The following SGCD variants were observed in gnomAD, a reference collection of about 807,000 sequenced individuals.
SGCD encodes sarcoglycan delta.
In SGCD, 18 loss-of-function variants were observed where a neutral mutation model predicts 36.6. The observed-to-expected ratio is 0.49, with a 90% CI of 0.34 to 0.73. The LOEUF is 0.73. SGCD is among the 30% of genes least tolerant of loss of function. SGCD has a pLI of 0.01. For missense variants in SGCD, 387 were observed against 346.7 expected (o/e 1.12, Z -0.92); for synonymous variants, 133 against 130.6 (o/e 1.02, Z -0.12).
intron 1 of SGCD, among the ~76,000 whole-genome samples, chr5:156,009,064 G>C (rs932694424): frequency 6.6e-6 from 1 of 152,170 alleles, no homozygotes; most frequent in Non-Finnish European, 1.5e-5. Flanking sequence ...TTTGGCCAGA[G>C]TGACTGGAGC....
chr5:156,296,390 A>C (rs577300136), intron 3 of SGCD, among the ~76,000 whole-genome samples: 1 of 152,352 alleles, frequency 6.6e-6, no homozygotes, highest in South Asian at 2.1e-4. Context: ...GAGGCACCAT[A>C]AATTGTAGGA....
intron 1 of SGCD, among the ~76,000 whole-genome samples, chr5:155,928,837 A>C (rs913653116): frequency 6.6e-6 from 1 of 152,174 alleles, no homozygotes; most frequent in Non-Finnish European, 1.5e-5. Context: ...AGCATATTTT[A>C]TGCAACAACC....
At chr5:156,480,035 C>G (rs542926470) in intron 3 of SGCD, among the ~76,000 whole-genome samples, 83 of 152,228 alleles carry the variant, frequency 5.5e-4, no homozygotes, top group African/African-American at 1.9e-3. Context: ...TCTTCACCAT[C>G]TGACTGGGAT....
In SGCD at chr5:156,767,770, A is replaced by G. The variant is rs556296196; in HGVS notation, c.*8380A>G. The G allele has an allele frequency of 1.1e-4, 17 of 152,234 alleles. No homozygotes were observed. Among genetic ancestry groups the G allele is most frequent in the Non-Finnish European group, 8.8e-5 (6 of 68,044 alleles). 9.4% of individuals were successfully genotyped at this position (152,234 alleles called of 1,614,324 possible). A position where few individuals can be genotyped will look rare whatever the true frequency, so the allele number is the denominator to read the frequency against. On this transcript the variant is annotated 3_prime_UTR_variant, in exon 9 of 9. Coordinates refer to ENST00000337851, the MANE Select transcript of SGCD (RefSeq NM_000337.6). The stretch of plus-strand genomic sequence containing the variant: ...CTTGTAAAATATATTAATAAAAATA[A>G]TGATTGGTAAGAAGGAAAGCACCCT...
chr5:156,594,899 C>T (rs1344797664), intron 5 of SGCD, 33 bp from the exon 6 acceptor site: 3 of 1,395,950 alleles, frequency 2.1e-6, no homozygotes, highest in East Asian at 2.3e-5. Context: ...CTCCTCTCTC[C>T]TCTCTATCTC....
At chr5:155,812,090 C>T in the SGCD span, among the ~76,000 whole-genome samples, 3 of 152,140 alleles carry the variant, frequency 2.0e-5, no homozygotes, top group African/African-American at 7.2e-5. Context: ...TCCATGGAAA[C>T]AGGACGTGAA....
rs1203352894 is a variant in SGCD, at chr5:156,589,271, T to C, written c.335T>C (p.Val112Ala). The change falls in exon 5 of 9, where the codon GTG becomes GCG. Residue 112 changes from valine to alanine, a missense_variant. By Grantham distance (64) the Val-to-Ala change is moderately conservative. Coordinates refer to ENST00000337851, the MANE Select transcript of SGCD (RefSeq NM_000337.6). ...LYFKSARNVT[V>A]NILNDQTKVL... ...TTCAAGTCTGCCAGAAATGTTACAGTGAACATTCTCAATGACCAGACTAAA... is the reference window on the plus strand; with the variant it reads ...TTCAAGTCTGCCAGAAATGTTACAGCGAACATTCTCAATGACCAGACTAAA... 3 of 1,575,468 alleles carry C rather than the reference T, an allele frequency of 1.9e-6. No individual in the cohort carries two copies. The highest frequency in any genetic ancestry group is 2.6e-6 in the Non-Finnish European group (3 of 1,158,842).
intron 4 of SGCD, among the ~76,000 whole-genome samples, chr5:156,539,766 G>A (rs999856889): frequency 2.0e-5 from 3 of 152,028 alleles, no homozygotes; most frequent in African/African-American, 7.2e-5. Flanking sequence ...TTTCCTTTGA[G>A]AGGATACCCA....
At chr5:156,494,440 A>G (rs985300777) in intron 3 of SGCD, among the ~76,000 whole-genome samples, 119 of 151,726 alleles carry the variant, frequency 7.8e-4, no homozygotes, top group African/African-American at 2.5e-3. Context: ...TTTGCTAGGC[A>G]AAGGAAGGAG....
chr5:156,104,040 C>A (rs1241087306), intron 1 of SGCD, among the ~76,000 whole-genome samples: 1 of 151,772 alleles, frequency 6.6e-6, no homozygotes, highest in Non-Finnish European at 1.5e-5. Context: ...TGACCCAAGC[C>A]CTTTTGGAAA....
At chr5:156,722,170 G>C (rs771162270) in intron 7 of SGCD, among the ~76,000 whole-genome samples, 1 of 152,124 alleles carries the variant, frequency 6.6e-6, no homozygotes, top group African/African-American at 2.4e-5. Flanking sequence ...CAGTGTAGTC[G>C]ATTCTCCTTT....
intron 3 of SGCD, among the ~76,000 whole-genome samples, chr5:156,295,119 C>T (rs897246669): frequency 6.6e-6 from 1 of 152,102 alleles, no homozygotes; most frequent in Non-Finnish European, 1.5e-5. Flanking sequence ...TTTTCTTTGT[C>T]TGGAGATTTT....
At chr5:155,932,309 G>A (rs993401597) in intron 1 of SGCD, among the ~76,000 whole-genome samples, 2 of 152,070 alleles carry the variant, frequency 1.3e-5, no homozygotes, top group African/African-American at 2.4e-5. Flanking sequence ...TTCCTGAATT[G>A]TTTCTTGAGG....
chr5:155,804,836 A>T, the SGCD span, among the ~76,000 whole-genome samples: 1 of 152,340 alleles, frequency 6.6e-6, no homozygotes, highest in Non-Finnish European at 1.5e-5. Flanking sequence ...TCATTCATTT[A>T]CACAAATATT....
chr5:155,752,928 A>AT, the SGCD span, among the ~76,000 whole-genome samples: 1 of 152,198 alleles, frequency 6.6e-6, no homozygotes, highest in Non-Finnish European at 1.5e-5. Flanking sequence ...TACACAGCAC[A>AT]TAGAGTGTGG....
rs528456908 is a variant in SGCD at position 156,468,020 on chromosome 5, T to C, written c.193-40581T>C. On this transcript the variant is annotated intron_variant, in intron 3 of 8. Coordinates refer to ENST00000337851, the MANE Select transcript of SGCD (RefSeq NM_000337.6). ...TGCAGTGTTAGGAAGCTGATTTAAG[T>C]CTGAGTTTTTATAACTATAAAATGG... Among the ~76,000 whole-genome samples, 4 of 152,288 alleles carry C rather than the reference T, an allele frequency of 2.6e-5. 1 individual carries two copies. The highest frequency in any genetic ancestry group is 9.6e-5 in the African/African-American group (4 of 41,556).
chr5:156,621,482 T>C (rs537338697), intron 6 of SGCD, among the ~76,000 whole-genome samples: 33 of 151,784 alleles, frequency 2.2e-4, no homozygotes, highest in Non-Finnish European at 4.4e-4. Flanking sequence ...TGAGCTACCA[T>C]GTCCAGCCAA....
At chr5:155,782,321 G>A in the SGCD span, among the ~76,000 whole-genome samples, 7 of 151,760 alleles carry the variant, frequency 4.6e-5, no homozygotes, top group South Asian at 2.1e-4. Context: ...CACCACACCC[G>A]GCCTCATTTT....
chr5:155,740,256 G>C, the SGCD span, among the ~76,000 whole-genome samples: 2 of 152,114 alleles, frequency 1.3e-5, no homozygotes, highest in South Asian at 4.1e-4. Flanking sequence ...AAGCCAGCAT[G>C]CCCTGCCTAT....
Sources: allele counts gnomAD v4.1 joint callset (sites outside exome capture counted in the v4.1 genomes callset), GRCh38; gene constraint gnomAD v4.1.1; transcripts MANE v1.5; gene names NCBI Gene and HGNC (gene_info 2026-07-23, HGNC 2026-07-21).